The following AGBL5 variants were observed in gnomAD, a reference collection of about 807,000 sequenced individuals.
AGBL5 encodes AGBL carboxypeptidase 5.
A neutral mutation model predicts 88.0 loss-of-function variants in AGBL5; 51 were observed. The observed-to-expected ratio is 0.58, with a 90% confidence interval of 0.46 to 0.73. The LOEUF is 0.73. Among genes scored for constraint, AGBL5 ranks in the 30% least tolerant of loss-of-function variants. AGBL5 has a pLI of 0.00. For synonymous variants in AGBL5, 446 were observed against 438.8 expected, an observed-to-expected ratio of 1.02 and a Z score of -0.21; for missense variants, 1,031 against 1,162.2, an observed-to-expected ratio of 0.89 and a Z score of 1.64.
intron 13 of AGBL5, 96 bp downstream of exon 13, chr2:27,068,840 T>C (rs2148306640): frequency 6.5e-7 from 1 of 1,546,316 alleles, no homozygotes; most frequent in Non-Finnish European, 8.7e-7. Flanking sequence ...AGCACTGCTT[T>C]ACTGCATCTA....
chr2:27,058,269 A>T (rs1668537913), intron 9 of AGBL5, 131 bp from the exon 10 acceptor site: 12 of 1,024,056 alleles, frequency 1.2e-5, no homozygotes, highest in Non-Finnish European at 1.6e-5. Flanking sequence ...CTGGGCACAA[A>T]GGTTAGGGCA....
chr2:27,062,826 G>A (rs1393059174), intron 11 of AGBL5: 1 of 152,266 alleles, frequency 6.6e-6, no homozygotes, highest in African/African-American at 2.4e-5. Flanking sequence ...GGGTGGAGAG[G>A]ACAAAAAGCT....
At chr2:27,064,384 G>C (rs1248680843) in intron 11 of AGBL5, among the ~76,000 whole-genome samples, 4 of 150,072 alleles carry the variant, frequency 2.7e-5, no homozygotes, top group African/African-American at 9.8e-5. Flanking sequence ...CAACCTTCGT[G>C]TCCCTGGCTC....
rs1651267435 is a variant in AGBL5 at position 27,057,417 on chromosome 2, C to T, written c.1650C>T (p.Tyr550=). Residue 550 remains tyrosine, a synonymous_variant, in exon 9 of 15, where the codon TAC becomes TAT. Coordinates refer to ENST00000360131, the MANE Select transcript of AGBL5 (RefSeq NM_021831.6). ...CCCCGCCGGCTTTCCCCTCCAGATACACTGTGGAACTATTTGAGCAGGTAT... is the reference window on the plus strand; with the variant it reads ...CCCCGCCGGCTTTCCCCTCCAGATATACTGTGGAACTATTTGAGCAGGTAT... ...PPPPPAFPSR[Y]TVELFEQVGR... 1 of 1,612,510 alleles carries T rather than the reference C, an allele frequency of 6.2e-7. No individual in the cohort carries two copies. The highest frequency in any genetic ancestry group is 8.5e-7 in the Non-Finnish European group (1 of 1,179,182).
At chr2:27,052,528 G>A (rs1668211150) in intron 1 of AGBL5, 1 of 154,252 alleles carries the variant, frequency 6.5e-6, no homozygotes. Context: ...ATCTCTAAAG[G>A]TGGCCATGTA....
In AGBL5 at chr2:27,053,301, G is replaced by A; in HGVS notation, c.216-101G>A. 1 of 1,533,948 alleles carries A rather than the reference G, an allele frequency of 6.5e-7. No individual in the cohort carries two copies. ...GACCCATCGTCCCTCCTTTCTCCTT[G>A]CCAAATAGCCCTTTCCCAGTTTGGC... On this transcript the variant is annotated intron_variant, in intron 2 of 14. Transcript: ENST00000360131. This position sits in a 1 kb window ranked among gnomAD's most constrained non-coding sequence, Gnocchi z 4.9.
chr2:27,053,838 A>G lies in AGBL5; in HGVS notation c.388-58A>G. 1.3e-6 allele frequency: 2 copies of G among 1,559,110 alleles called. No homozygotes were observed. Among genetic ancestry groups the G allele is most frequent in the Non-Finnish European group, 1.7e-6 (2 of 1,148,126 alleles). On this transcript the variant is annotated intron_variant, in intron 3 of 14. Coordinates refer to ENST00000360131, the MANE Select transcript of AGBL5 (RefSeq NM_021831.6). This position sits in a 1 kb window ranked among gnomAD's most constrained non-coding sequence, Gnocchi z 4.9. ...GAGGTCAGTTCCTGGTGGTCCCAGT[A>G]GGAGCTCAGTTCTGACAATGGCATG...
Position 27,058,529 on chromosome 2 carries a change from C to T in AGBL5, c.1801C>T (p.Arg601Ter), listed in dbSNP as rs1452755931. The T allele has an allele frequency of 2.5e-6, 4 of 1,614,034 alleles. No individual in the cohort carries two copies. Among genetic ancestry groups the T allele is most frequent in the South Asian group, 1.1e-5 (1 of 91,084 alleles). Residue 601 changes from arginine to a stop codon, truncating the protein, a stop_gained, in exon 10 of 15, where the codon CGA (arginine) becomes TGA (stop). Transcript: ENST00000360131. LOFTEE classifies it high-confidence loss of function. Reference sequence around the variant, plus strand: ...GATGCTGAAACATGTACGCAACAGCCGAGGCCTAAGCAGCACTCTGAATGT... The same window carrying T: ...GATGCTGAAACATGTACGCAACAGCTGAGGCCTAAGCAGCACTCTGAATGT... ...AWMLKHVRNSRGLSSTLNVGV... is the reference protein window; with the variant it reads ...AWMLKHVRNS
chr2:27,057,573 C>T, intron 9 of AGBL5, 135 bp downstream of exon 9: 2 of 1,083,794 alleles, frequency 1.8e-6, no homozygotes, highest in East Asian at 2.7e-5. Context: ...TGATTATTTT[C>T]CTCAGTTAAC....
chr2:27,053,791 T>C lies in AGBL5; in HGVS notation c.388-105T>C, dbSNP rs1668293741. On this transcript the variant is annotated intron_variant, in intron 3 of 14. Transcript: ENST00000360131. This position sits in a 1 kb window ranked among gnomAD's most constrained non-coding sequence, Gnocchi z 4.9. ...ATAGAAAGTGTCACAGGGAGGGAAG[T>C]TGGTAAAGGTGATAAGGGTGTGAGG... 1.4e-6 allele frequency: 2 copies of C among 1,469,408 alleles called. No homozygotes were observed. Among genetic ancestry groups the C allele is most frequent in the South Asian group, 1.4e-5 (1 of 72,654 alleles). The allele number at this position is 1,469,408 out of a possible 1,614,324, so 91.0% of individuals were successfully genotyped here.
chr2:27,054,015 C>T lies in AGBL5; in HGVS notation c.507C>T (p.Asn169=). The T allele has an allele frequency of 6.2e-7, 1 of 1,614,120 alleles. No individual in the cohort carries two copies. Among genetic ancestry groups the T allele is most frequent in the Non-Finnish European group, 8.5e-7 (1 of 1,179,984 alleles). ...FSYSDCQELL[N]QLDQRFPENH... ...ACAGTGACTGCCAGGAACTGCTAAA[C>T]CAGCTAGACCAGCGCTTTCCGGAGA... is the stretch of plus-strand genomic sequence containing the variant. Residue 169 remains asparagine (N), a synonymous_variant, in exon 4 of 15, where the codon AAC becomes AAT. Coordinates refer to ENST00000360131, the MANE Select transcript of AGBL5 (RefSeq NM_021831.6).
rs111576214 is a variant in AGBL5 at position 27,059,363 on chromosome 2, G to A, written c.2048G>A (p.Ser683Asn). The A allele has an allele frequency of 3.7e-6, 6 of 1,614,094 alleles. No homozygotes were observed. The highest frequency in any genetic ancestry group is 1.3e-5 in the African/African-American group (1 of 74,940). ...RPAGLPGLGS[S>N]TQKVTHRVLG... ...GCAGGGCTGCCAGGCCTGGGCTCTA[G>A]TACCCAAAAGGTCACCCACCGGGTG... The change falls in exon 11 of 15, where the codon AGT becomes AAT. Residue 683 changes from serine to asparagine, a missense_variant. This residue lies in a region of AGBL5 where 491 missense variants were observed against 484.0 expected (regional missense o/e 1.01). Coordinates refer to ENST00000360131, the MANE Select transcript of AGBL5 (RefSeq NM_021831.6).
At chr2:27,069,373 T>TG (rs1224684023) in intron 13 of AGBL5, 200 bp from the exon 14 acceptor site, 22 of 985,294 alleles carry the variant, frequency 2.2e-5, no homozygotes, top group African/African-American at 3.5e-5. Flanking sequence ...GTTATAGACT[T>TG]GGAGTGCATA....
intron 12 of AGBL5, among the ~76,000 whole-genome samples, chr2:27,068,005 C>G (rs1183789923): frequency 6.6e-6 from 1 of 152,190 alleles, no homozygotes; most frequent in Non-Finnish European, 1.5e-5. Flanking sequence ...AAAAGCATGA[C>G]GGTACTTTCT....
Position 27,069,573 on chromosome 2 carries a change from G to C in AGBL5, c.2356G>C (p.Ala786Pro). 1 of 1,613,884 alleles carries C rather than the reference G, an allele frequency of 6.2e-7. No individual in the cohort carries two copies. The highest frequency in any genetic ancestry group is 8.5e-7 in the Non-Finnish European group (1 of 1,179,800). Residue 786 changes from alanine (A) to proline (P), a missense_variant and splice_region_variant, in exon 14 of 15, where the codon GCT (alanine) becomes CCT (proline). Physicochemically the swap from Ala to Pro is conservative, Grantham distance 27. This residue lies in a region of AGBL5 where 491 missense variants were observed against 484.0 expected (regional missense o/e 1.01). Coordinates refer to ENST00000360131, the MANE Select transcript of AGBL5 (RefSeq NM_021831.6). ...CTTAGCGCAAACCCTGTCCACACAG[G>C]CTAGGCCCAGGTTGGGCCGGGGCTC... The part of the protein sequence containing the change: ...RMPCIKTRLQ[A>P]RPRLGRGSPP...
intron 8 of AGBL5, 78 bp from the exon 9 acceptor site, chr2:27,057,225 G>T: frequency 1.3e-6 from 2 of 1,484,890 alleles, no homozygotes; most frequent in South Asian, 2.7e-5. Context: ...TGCCTCCTTT[G>T]ACCACCTAAG....
At chr2:27,055,274 G>C in intron 6 of AGBL5, 21 bp downstream of exon 6, 3 of 1,610,288 alleles carry the variant, frequency 1.9e-6, no homozygotes, top group Non-Finnish European at 2.5e-6. Flanking sequence ...TCCCCAGCCT[G>C]TCTGGACTGT....
intron 11 of AGBL5, among the ~76,000 whole-genome samples, chr2:27,062,105 G>T (rs568224075): frequency 7.1e-4 from 101 of 143,004 alleles, no homozygotes; most frequent in African/African-American, 2.4e-3. Flanking sequence ...ATGAACCACT[G>T]TGCCCATCTA....
At chr2:27,051,544 C>T (rs1668142871), upstream of AGBL5, 1 of 152,340 alleles carries the variant, frequency 6.6e-6, no homozygotes, top group Admixed American at 6.5e-5. Context: ...CCCCGAACGA[C>T]ACTCGCTCAG....
Sources: allele counts gnomAD v4.1 joint callset (sites outside exome capture counted in the v4.1 genomes callset), GRCh38; gene constraint gnomAD v4.1.1; regional missense constraint gnomAD v4.1.1; non-coding constraint Gnocchi (gnomAD v3.1); transcripts MANE v1.5; gene names NCBI Gene and HGNC (gene_info 2026-07-23, HGNC 2026-07-21).